Variants in DOCK3 observed in about 807,000 individuals in gnomAD.
DOCK3 encodes dedicator of cytokinesis protein 3.
DOCK3 carries 60 observed loss-of-function variants against 265.6 expected under a neutral mutation model. The observed-to-expected ratio is 0.23, with a 90% confidence interval of 0.18 to 0.28. DOCK3 has a LOEUF of 0.28. DOCK3 is among the 10% of genes least tolerant of loss of function. DOCK3 has a pLI of 1.00. For synonymous variants in DOCK3, 881 were observed against 938.0 expected, an observed-to-expected ratio of 0.94 and a Z score of 1.11; for missense variants, 1,981 against 2,594.3, an observed-to-expected ratio of 0.76 and a Z score of 5.14.
intron 52 of DOCK3, 107 bp from the exon 53 acceptor site, chr3:51,380,943 G>C (rs1240014650): frequency 1.5e-6 from 2 of 1,367,622 alleles, no homozygotes; most frequent in Non-Finnish European, 2.0e-6. Flanking sequence ...ACATGCTGTT[G>C]ATGAGGGTTA....
At position 50,847,686 on chromosome 3, in the gene DOCK3, C is replaced by G. The variant is rs1351967150; in HGVS notation, c.162+5971C>G. 3.3e-5 allele frequency among the ~76,000 whole-genome samples: 5 copies of G among 152,104 alleles called. No individual in the cohort carries two copies. In the East Asian group the frequency reaches 9.7e-4, roughly 29 times the overall value. On this transcript the variant is annotated intron_variant, in intron 3 of 52. Transcript: ENST00000266037. ...ATCATTTGTGGCCAGGAGTTCAAGA[C>G]TAGCCTGGACAACATGGTAAAACCC...
chr3:50,945,239 TG>T lies in DOCK3; in HGVS notation c.315+11163del, dbSNP rs56659139. 7.6e-3 allele frequency among the ~76,000 whole-genome samples: 1,159 copies of T among 152,274 alleles called. 17 individuals are homozygous for T. Among genetic ancestry groups the T allele is most frequent in the African/African-American group, 0.027 (1,115 of 41,568 alleles). On this transcript the variant is annotated intron_variant, in intron 5 of 52. Coordinates refer to ENST00000266037, the MANE Select transcript of DOCK3 (RefSeq NM_004947.5). ...TCATTTTGTGTGTACTACTGTAGGGTGACAATATTATTAGAATTTTTGCTTT... is the reference window on the plus strand; with the variant it reads ...TCATTTTGTGTGTACTACTGTAGGGTACAATATTATTAGAATTTTTGCTTT...
intron 5 of DOCK3, among the ~76,000 whole-genome samples, chr3:51,046,562 A>G (rs1182021276): frequency 4.6e-5 from 7 of 152,194 alleles, no homozygotes; most frequent in African/African-American, 1.7e-4. Flanking sequence ...ATATATATGC[A>G]CTCATCATGA....
chr3:50,874,657 T>C (rs2047613437), intron 3 of DOCK3, among the ~76,000 whole-genome samples: 1 of 152,226 alleles, frequency 6.6e-6, no homozygotes, highest in Non-Finnish European at 1.5e-5. Context: ...TGTAGAGATA[T>C]TCCACTTATT....
chr3:50,799,576 G>A (rs1260717536), intron 2 of DOCK3, among the ~76,000 whole-genome samples: 1 of 152,100 alleles, frequency 6.6e-6, no homozygotes, highest in South Asian at 2.1e-4. Context: ...CAAGTTTACT[G>A]AATTAGTTTA....
rs562195815 is a variant in DOCK3, at chr3:51,264,448, G to A, written c.2355+4122G>A. On this transcript the variant is annotated intron_variant, in intron 23 of 52. Transcript: ENST00000266037. ...GCACTAAATGCCCACAGGAGAAAGC[G>A]GGAAATATCTAAAATTGACACCCAA... is the stretch of plus-strand genomic sequence containing the variant. 3.9e-5 allele frequency among the ~76,000 whole-genome samples: 6 copies of A among 152,170 alleles called. No homozygotes were observed. The East Asian group carries it at 7.7e-4, about 20-fold the overall frequency.
chr3:51,330,729 G>T (rs1487981197), intron 33 of DOCK3, among the ~76,000 whole-genome samples: 2 of 152,154 alleles, frequency 1.3e-5, no homozygotes, highest in African/African-American at 4.8e-5. Context: ...AATGATGTCA[G>T]GGTTCTTCTG....
chr3:50,886,978 C>G (rs1420586526), intron 3 of DOCK3, among the ~76,000 whole-genome samples: 1 of 151,950 alleles, frequency 6.6e-6, no homozygotes, highest in East Asian at 1.9e-4. Flanking sequence ...CAAACACATT[C>G]AAAAGCTAGC....
At chr3:51,021,350 C>T (rs540970511) in intron 5 of DOCK3, among the ~76,000 whole-genome samples, 1 of 151,268 alleles carries the variant, frequency 6.6e-6, no homozygotes, top group African/African-American at 2.5e-5. Context: ...GCCAGGTCTC[C>T]TACAAAGGGA....
rs187834000 is a variant in DOCK3, at chr3:51,215,242, C to T, written c.1252+995C>T. On this transcript the variant is annotated intron_variant, in intron 14 of 52. Transcript: ENST00000266037. ...CTTGCCTCAGCCTCCCGAGTAGCTG[C>T]GACTACACGTGTACATCACCACACC... 2.3e-3 allele frequency among the ~76,000 whole-genome samples: 357 copies of T among 152,118 alleles called. 1 individual carries two copies. Among genetic ancestry groups the T allele is most frequent in the African/African-American group, 8.3e-3 (345 of 41,490 alleles).
chr3:51,267,022 C>T (rs1373015380), intron 23 of DOCK3, among the ~76,000 whole-genome samples: 1 of 152,152 alleles, frequency 6.6e-6, no homozygotes, highest in Non-Finnish European at 1.5e-5. Flanking sequence ...TGAACAGACA[C>T]TTCTCAAAAG....
intron 3 of DOCK3, among the ~76,000 whole-genome samples, chr3:50,874,493 A>T: frequency 6.6e-6 from 1 of 150,868 alleles, no homozygotes. Flanking sequence ...ATGAAATGGG[A>T]CCCTGTATCT....
chr3:50,978,726 G>A (rs993885246), intron 5 of DOCK3, among the ~76,000 whole-genome samples: 2 of 152,220 alleles, frequency 1.3e-5, no homozygotes, highest in African/African-American at 2.4e-5. Flanking sequence ...GGGCAATGGC[G>A]GGCGCCCCTC....
intron 6 of DOCK3, among the ~76,000 whole-genome samples, chr3:51,070,991 A>T (rs182322466): frequency 7.0e-4 from 107 of 152,358 alleles, no homozygotes; most frequent in African/African-American, 2.4e-3. Context: ...ATTGTCTTCC[A>T]TGAAACCAGT....
At chr3:51,319,628 A>G (rs1218339001) in intron 32 of DOCK3, among the ~76,000 whole-genome samples, 1 of 152,164 alleles carries the variant, frequency 6.6e-6, no homozygotes, top group African/African-American at 2.4e-5. Context: ...GCACTTTGGG[A>G]GGCTGAGGCG....
At chr3:50,991,819 G>C (rs1263728812) in intron 5 of DOCK3, among the ~76,000 whole-genome samples, 1 of 151,316 alleles carries the variant, frequency 6.6e-6, no homozygotes, top group African/African-American at 2.4e-5. Flanking sequence ...GACACATACT[G>C]TACAATCCAC....
At chr3:50,949,418 G>T (rs551204282) in intron 5 of DOCK3, among the ~76,000 whole-genome samples, 1 of 152,086 alleles carries the variant, frequency 6.6e-6, no homozygotes, top group Non-Finnish European at 1.5e-5. Flanking sequence ...AGTCATCAGG[G>T]AAATGCAAAT....
intron 3 of DOCK3, among the ~76,000 whole-genome samples, chr3:50,866,237 A>T (rs2047136810): frequency 6.6e-6 from 1 of 152,146 alleles, no homozygotes. Flanking sequence ...CTGTAATCCC[A>T]GCACTTTGGG....
In DOCK3 at chr3:50,839,318, T is replaced by C. The variant is rs112231710; in HGVS notation, c.122-2357T>C. 4.6e-5 allele frequency among the ~76,000 whole-genome samples: 7 copies of C among 152,302 alleles called. 2 individuals carry two copies. Among genetic ancestry groups the C allele is most frequent in the African/African-American group, 1.7e-4 (7 of 41,572 alleles). ...AACATCAATTTGTAGTTTTTTTGTG[T>C]GGATGTAAGTTTTCAACTCATTTGG... On this transcript the variant is annotated intron_variant, in intron 2 of 52. Transcript: ENST00000266037.
Sources: gnomAD v4.1 joint callset for allele counts (sites outside exome capture counted in the v4.1 genomes callset) on GRCh38, gnomAD v4.1.1 for gene constraint, MANE v1.5 for transcripts, NCBI Gene and HGNC (gene_info 2026-07-23, HGNC 2026-07-21) for gene names.